Variants in FAM184A observed in about 807,000 individuals in gnomAD.
The protein encoded by FAM184A is protein FAM184A.
Under a neutral mutation model 143.8 loss-of-function variants are expected in FAM184A, and 99 were observed. The observed-to-expected ratio is 0.69, with a 90% CI of 0.58 to 0.81. The LOEUF (loss-of-function observed/expected upper bound fraction) is 0.81, where lower values mean the gene tolerates loss of function less well. Ranked by LOEUF, FAM184A falls within the 40% of genes least tolerant of loss-of-function variation. FAM184A has a pLI of 0.00. For synonymous variants in FAM184A, 427 were observed against 446.4 expected (o/e 0.96, Z 0.55); for missense variants, 1,217 against 1,310.5 (o/e 0.93, Z 1.10).
At chr6:119,103,518 A>T (rs1345611334) in intron 1 of FAM184A, among the ~76,000 whole-genome samples, 1 of 152,240 alleles carries the variant, frequency 6.6e-6, no homozygotes, top group African/African-American at 2.4e-5. Context: ...AGCAAGACAA[A>T]ACTAGAAGAT....
intron 1 of FAM184A, among the ~76,000 whole-genome samples, chr6:119,042,470 C>CT (rs5879481): frequency 0.67 from 101,173 of 151,620 alleles, 35,655 homozygotes; most frequent in South Asian, 0.79. Flanking sequence ...GCCTGGGTCT[C>CT]TTTTTTTTGC....
At chr6:119,059,163 A>G (rs1405579229) in intron 1 of FAM184A, among the ~76,000 whole-genome samples, 1 of 151,854 alleles carries the variant, frequency 6.6e-6, no homozygotes, top group Non-Finnish European at 1.5e-5. Flanking sequence ...TTTTTTGTAG[A>G]GATGAGGTCT....
chr6:119,137,645 C>T (rs1425007095), intron 1 of FAM184A, among the ~76,000 whole-genome samples: 1 of 152,154 alleles, frequency 6.6e-6, no homozygotes. Context: ...TTCTTATGCA[C>T]AAATATGATT....
intron 1 of FAM184A, among the ~76,000 whole-genome samples, chr6:119,090,699 A>G (rs1011510604): frequency 1.3e-5 from 2 of 152,216 alleles, no homozygotes; most frequent in South Asian, 2.1e-4. Context: ...TCAAAGGGCC[A>G]TAACTGATAT....
At chr6:119,026,867 G>C (rs1350422304) in intron 1 of FAM184A, among the ~76,000 whole-genome samples, 2 of 152,044 alleles carry the variant, frequency 1.3e-5, no homozygotes, top group African/African-American at 4.8e-5. Context: ...CTGTAAAGCT[G>C]CCTCCTGTAA....
intron 1 of FAM184A, among the ~76,000 whole-genome samples, chr6:119,045,273 A>G (rs949794475): frequency 3.4e-5 from 5 of 146,680 alleles, no homozygotes; most frequent in Non-Finnish European, 1.5e-5. Flanking sequence ...CTAAAACAGT[A>G]TAACTATCAG....
At chr6:119,061,540 T>TC (rs1562133420) in intron 1 of FAM184A, among the ~76,000 whole-genome samples, 1 of 131,010 alleles carries the variant, frequency 7.6e-6, no homozygotes, top group East Asian at 2.2e-4. Context: ...TCTTTTTTTT[T>TC]TTTTTTTTTT....
intron 1 of FAM184A, among the ~76,000 whole-genome samples, chr6:119,066,623 A>G (rs949160598): frequency 2.0e-5 from 3 of 152,228 alleles, no homozygotes; most frequent in Admixed American, 1.3e-4. Context: ...GGTTAAAGAT[A>G]TACATGGTCC....
Position 119,118,856 on chromosome 6 carries a change from T to C in FAM184A, c.-202+30222A>G, listed in dbSNP as rs374659602. 2.6e-5 allele frequency among the ~76,000 whole-genome samples: 4 copies of C among 151,752 alleles called. No homozygotes were observed. In the South Asian group the frequency reaches 6.3e-4, roughly 24 times the overall value. ...AGCAGTGTTCAGGGAACAAGAGAGG[T>C]AACCTTAAACTGACCGCCAGTGAGC... On this transcript the variant is annotated intron_variant, in intron 1 of 16. Coordinates refer to the FAM184A transcript ENST00000352896.
chr6:119,031,069 CTTTTCCTATGATAAATCTTTT>C (rs1159255529), intron 1 of FAM184A, among the ~76,000 whole-genome samples: 6 of 151,942 alleles, frequency 3.9e-5, no homozygotes, highest in Non-Finnish European at 7.4e-5. Flanking sequence ...GTAATTTTTA[CTTTTCCTATGATAAATCTTTT>C]TTTTCCTATG....
At chr6:119,128,618 G>A (rs1789438441) in intron 1 of FAM184A, among the ~76,000 whole-genome samples, 2 of 152,004 alleles carry the variant, frequency 1.3e-5, no homozygotes, top group Non-Finnish European at 2.9e-5. Flanking sequence ...GGAATAAAAG[G>A]GTGAGTGGGG....
intron 1 of FAM184A, among the ~76,000 whole-genome samples, chr6:119,133,831 T>G (rs1789596382): frequency 1.3e-5 from 2 of 151,808 alleles, no homozygotes; most frequent in Admixed American, 1.3e-4. Flanking sequence ...GATTTTTAAT[T>G]TTTTTTGTAG....
At position 119,020,103 on chromosome 6, in the gene FAM184A, A is replaced by G; in HGVS notation, c.1207T>C (p.Leu403=). 6.2e-7 allele frequency: 1 copy of G among 1,609,250 alleles called. No individual in the cohort carries two copies. The highest frequency in any genetic ancestry group is 8.5e-7 in the Non-Finnish European group (1 of 1,178,616). The change falls in exon 4 of 18, where the codon TTA becomes CTA. Residue 403 remains leucine, a synonymous_variant. Transcript: ENST00000338891. ...TTGACTCTCGATTTTTCTGATTCTA[A>G]ATCTTTAATTGTAACTTCCTGGGTC... ...QMTQEVTIKD[L]ESEKSRVNER...
At chr6:119,082,944 AG>A (rs989075093), upstream of FAM184A, among the ~76,000 whole-genome samples, 3 of 152,240 alleles carry the variant, frequency 2.0e-5, no homozygotes, top group African/African-American at 7.2e-5. Context: ...GTTCTCCATG[AG>A]GACTCAACCC....
At chr6:119,018,288 G>A (rs1562475704) in intron 4 of FAM184A, among the ~76,000 whole-genome samples, 3 of 152,190 alleles carry the variant, frequency 2.0e-5, no homozygotes, top group Admixed American at 2.0e-4. Flanking sequence ...ATCTGAGCTG[G>A]TGATGACATT....
chr6:119,135,867 T>C (rs1056212699), intron 1 of FAM184A, among the ~76,000 whole-genome samples: 5 of 151,950 alleles, frequency 3.3e-5, no homozygotes, highest in African/African-American at 1.2e-4. Context: ...TTAAAATATA[T>C]ATTATTCTTT....
At chr6:119,021,477 T>G (rs1008528505) in intron 3 of FAM184A, among the ~76,000 whole-genome samples, 1 of 152,192 alleles carries the variant, frequency 6.6e-6, no homozygotes. Flanking sequence ...ATTTACAAAC[T>G]TCAACTAATT....
intron 1 of FAM184A, among the ~76,000 whole-genome samples, chr6:119,046,392 G>C (rs1786535872): frequency 6.6e-6 from 1 of 151,728 alleles, no homozygotes; most frequent in South Asian, 2.1e-4. Flanking sequence ...ACCCAGCTAA[G>C]GTTTGTATTT....
intron 1 of FAM184A, chr6:119,069,080 C>T: frequency 2.7e-6 from 1 of 364,152 alleles, no homozygotes; most frequent in South Asian, 2.2e-5. Flanking sequence ...AACTGAGGTT[C>T]TTGCCATTGA....
Sources: allele counts gnomAD v4.1 joint callset (sites outside exome capture counted in the v4.1 genomes callset), GRCh38; gene constraint gnomAD v4.1.1; transcripts MANE v1.5; gene names NCBI Gene and HGNC (gene_info 2026-07-23, HGNC 2026-07-21).